SLC24A3: variants seen among roughly 807,000 people sequenced by gnomAD.
SLC24A3 encodes the protein solute carrier family 24 member 3.
Under a neutral mutation model 75.8 loss-of-function variants are expected in SLC24A3, and 28 were observed. That is an observed-to-expected ratio of 0.37 (90% confidence interval 0.27 to 0.51). The LOEUF (loss-of-function observed/expected upper bound fraction) is 0.51. Ranked by LOEUF, SLC24A3 falls within the 20% of genes least tolerant of loss-of-function variation. The probability of loss-of-function intolerance (pLI) is 0.94; values close to 1 mark genes in which losing one functional copy is unlikely to be tolerated. For missense variants in SLC24A3, 663 were observed against 847.8 expected (o/e 0.78, Z 2.71); for synonymous variants, 372 against 334.1 (o/e 1.11, Z -1.24).
In SLC24A3 at chr20:19,716,698, G is replaced by A. The variant is rs548499119; in HGVS notation, c.1720-830G>A. On this transcript the variant is annotated intron_variant, in intron 15 of 16. Coordinates refer to ENST00000328041, the MANE Select transcript of SLC24A3 (RefSeq NM_020689.4). ...GGAGTTCAAGACCAGCCCGGGCAACGTAGTGAGACCTAGTCTCTACAAAAA... is the reference window on the plus strand; with the variant it reads ...GGAGTTCAAGACCAGCCCGGGCAACATAGTGAGACCTAGTCTCTACAAAAA... 1.1e-4 allele frequency among the ~76,000 whole-genome samples: 16 copies of A among 152,096 alleles called. No individual in the cohort carries two copies. The East Asian group carries it at 1.4e-3, about 13-fold the overall frequency.
At chr20:19,331,863 C>T (rs568706580) in intron 2 of SLC24A3, among the ~76,000 whole-genome samples, 20 of 152,198 alleles carry the variant, frequency 1.3e-4, no homozygotes, top group South Asian at 2.1e-4. Context: ...AGGAATAGGT[C>T]GTGATGGGGG....
At chr20:19,526,860 T>C (rs759688726) in intron 3 of SLC24A3, among the ~76,000 whole-genome samples, 1 of 152,188 alleles carries the variant, frequency 6.6e-6, no homozygotes, top group Admixed American at 6.5e-5. Flanking sequence ...TGAGAATTGA[T>C]CAATCCATGC....
chr20:19,537,213 G>T (rs916099863), intron 3 of SLC24A3, among the ~76,000 whole-genome samples: 1 of 152,082 alleles, frequency 6.6e-6, no homozygotes, highest in Non-Finnish European at 1.5e-5. Flanking sequence ...AAAAGTGGGC[G>T]AAGGATATGA....
chr20:19,325,019 CTT>C (rs11340561), intron 2 of SLC24A3, among the ~76,000 whole-genome samples: 36 of 129,058 alleles, frequency 2.8e-4, no homozygotes, highest in African/African-American at 3.3e-4. Flanking sequence ...ATGGTAGAGC[CTT>C]TTTTTTTTTT....
At chr20:19,646,453 C>T (rs1237757628) in intron 6 of SLC24A3, among the ~76,000 whole-genome samples, 1 of 152,128 alleles carries the variant, frequency 6.6e-6, no homozygotes, top group Non-Finnish European at 1.5e-5. Flanking sequence ...TATCTGGCAA[C>T]TTTTATAATA....
intron 2 of SLC24A3, among the ~76,000 whole-genome samples, chr20:19,288,569 T>C (rs946117609): frequency 1.3e-5 from 2 of 152,214 alleles, no homozygotes; most frequent in Admixed American, 6.5e-5. Context: ...TTTCAAAGCA[T>C]TTTCACATTC....
intron 2 of SLC24A3, 33 bp from the exon 3 acceptor site, chr20:19,515,455 G>C: frequency 6.2e-7 from 1 of 1,610,286 alleles, no homozygotes; most frequent in Non-Finnish European, 8.5e-7. Context: ...GTGGTCACCT[G>C]TGCTGAGACG....
At position 19,540,341 on chromosome 20, in the gene SLC24A3, C is replaced by CA. The variant is rs201245150; in HGVS notation, c.348+24778dup. Among the ~76,000 whole-genome samples the CA allele has an allele frequency of 5.3e-3, 814 of 152,280 alleles. 9 individuals carry two copies. The highest frequency in any genetic ancestry group is 0.019 in the African/African-American group (789 of 41,558). ...ATCAGGAAGGGGAGAACAAGGAACG[C>CA]AGGGAGTGGTGCTCCTCGAGAGAGA... On this transcript the variant is annotated intron_variant, in intron 3 of 16. Coordinates refer to ENST00000328041, the MANE Select transcript of SLC24A3 (RefSeq NM_020689.4).
chr20:19,275,900 T>TC (rs900300384), intron 1 of SLC24A3, among the ~76,000 whole-genome samples: 44 of 152,034 alleles, frequency 2.9e-4, no homozygotes, highest in Admixed American at 2.6e-4. Context: ...GCCTGCTGCC[T>TC]CCCCTCTTCA....
chr20:19,707,964 G>A (rs73903710), intron 15 of SLC24A3, among the ~76,000 whole-genome samples: 1 of 152,280 alleles, frequency 6.6e-6, no homozygotes, highest in African/African-American at 2.4e-5. Flanking sequence ...AAGTAACAAC[G>A]TAAGAAGGTA....
chr20:19,556,043 T>G (rs955652234), intron 3 of SLC24A3, among the ~76,000 whole-genome samples: 1 of 152,152 alleles, frequency 6.6e-6, no homozygotes, highest in Non-Finnish European at 1.5e-5. Context: ...GCCACCTTTT[T>G]GCTGTGTCCT....
chr20:19,449,889 A>G (rs915883456), intron 2 of SLC24A3, among the ~76,000 whole-genome samples: 2 of 152,228 alleles, frequency 1.3e-5, no homozygotes, highest in African/African-American at 4.8e-5. Flanking sequence ...AGGAGCATTA[A>G]GTAGAAAATA....
At chr20:19,676,902 A>T (rs2032531107) in intron 9 of SLC24A3, among the ~76,000 whole-genome samples, 1 of 152,216 alleles carries the variant, frequency 6.6e-6, no homozygotes, top group African/African-American at 2.4e-5. Context: ...TGCCACTGAC[A>T]GTCATGGGAC....
chr20:19,426,894 A>G (rs1206182094), intron 2 of SLC24A3, among the ~76,000 whole-genome samples: 1 of 150,990 alleles, frequency 6.6e-6, no homozygotes, highest in African/African-American at 2.4e-5. Context: ...TTGGCCCTTG[A>G]TTGGACATGA....
At chr20:19,276,495 C>T (rs1196933846) in intron 1 of SLC24A3, among the ~76,000 whole-genome samples, 2 of 152,196 alleles carry the variant, frequency 1.3e-5, no homozygotes, top group African/African-American at 4.8e-5. Context: ...GGCTAAAAAC[C>T]TGTACGGCAA....
intron 3 of SLC24A3, among the ~76,000 whole-genome samples, chr20:19,560,470 G>A (rs3827992): frequency 0.041 from 6,216 of 152,312 alleles, 151 homozygotes; most frequent in East Asian, 0.087. Context: ...CACAGGGTGA[G>A]GTGTGGGTAG....
chr20:19,441,379 G>A (rs1288988604), intron 2 of SLC24A3, among the ~76,000 whole-genome samples: 1 of 152,184 alleles, frequency 6.6e-6, no homozygotes, highest in Non-Finnish European at 1.5e-5. Flanking sequence ...GAAAGCAAAG[G>A]AAGGAAGTGT....
rs567073986 is a variant in SLC24A3, at chr20:19,467,210, T to C, written c.272-48278T>C. On this transcript the variant is annotated intron_variant, in intron 2 of 16. Coordinates refer to ENST00000328041, the MANE Select transcript of SLC24A3 (RefSeq NM_020689.4). ...GCCATTGAGTGGTCCAGGGAAGAGA[T>C]GGTAGTGGTGATAGAGATAGAAGAG... Among the ~76,000 whole-genome samples the C allele has an allele frequency of 8.4e-4, 127 of 152,086 alleles. No homozygotes were observed. The South Asian group carries it at 0.021, about 25-fold the overall frequency.
At chr20:19,251,223 G>A (rs1024788248) in intron 1 of SLC24A3, among the ~76,000 whole-genome samples, 1 of 152,172 alleles carries the variant, frequency 6.6e-6, no homozygotes, top group Non-Finnish European at 1.5e-5. Context: ...AAGCTTTTAG[G>A]CCAGTGTAGC....
Sources: gnomAD v4.1 joint callset for allele counts (sites outside exome capture counted in the v4.1 genomes callset) on GRCh38, gnomAD v4.1.1 for gene constraint, MANE v1.5 for transcripts, NCBI Gene and HGNC (gene_info 2026-07-23, HGNC 2026-07-21) for gene names.